DGKB: variants seen among roughly 807,000 people sequenced by gnomAD.
DGKB encodes the protein diacylglycerol kinase beta, also known as 90 kDa diacylglycerol kinase.
In DGKB, 67 loss-of-function variants were observed where a neutral mutation model predicts 114.3. The observed-to-expected ratio is 0.59, with a 90% CI of 0.48 to 0.72. The LOEUF (loss-of-function observed/expected upper bound fraction) is 0.72. Among genes scored for constraint, DGKB ranks in the 30% least tolerant of loss-of-function variants. DGKB has a pLI of 0.00. For missense variants in DGKB, 907 were observed against 975.2 expected (o/e 0.93, Z 0.93); for synonymous variants, 398 against 323.1 (o/e 1.23, Z -2.49).
chr7:14,228,577 A>G (rs1791205542), intron 23 of DGKB, among the ~76,000 whole-genome samples: 1 of 151,910 alleles, frequency 6.6e-6, no homozygotes, highest in East Asian at 1.9e-4. Context: ...ACAGCGCTAC[A>G]CTGGCTGCTT....
chr7:14,337,610 C>A (rs1810918956), intron 23 of DGKB, among the ~76,000 whole-genome samples: 1 of 152,024 alleles, frequency 6.6e-6, no homozygotes, highest in Admixed American at 6.6e-5. Context: ...TAAAGCCCAC[C>A]AACCATCTTC....
At chr7:14,483,214 A>T (rs982110623) in intron 20 of DGKB, among the ~76,000 whole-genome samples, 6 of 152,180 alleles carry the variant, frequency 3.9e-5, no homozygotes, top group Non-Finnish European at 8.8e-5. Context: ...TATCGATTGG[A>T]ACCAGTGACC....
intron 1 of DGKB, among the ~76,000 whole-genome samples, chr7:14,960,361 C>T (rs1437425433): frequency 6.6e-6 from 1 of 151,664 alleles, no homozygotes; most frequent in East Asian, 1.9e-4. Flanking sequence ...GAAGTTTTCA[C>T]CTAAAAAGTT....
intron 4 of DGKB, among the ~76,000 whole-genome samples, chr7:14,740,080 G>A (rs1832353596): frequency 6.6e-6 from 1 of 152,242 alleles, no homozygotes; most frequent in Non-Finnish European, 1.5e-5. Context: ...GAGGCCCCGT[G>A]CAGACAGCTG....
chr7:14,552,460 T>A (rs1379468515), intron 20 of DGKB, among the ~76,000 whole-genome samples: 1 of 152,282 alleles, frequency 6.6e-6, no homozygotes, highest in African/African-American at 2.4e-5. Context: ...AAGTGACCCA[T>A]AAAGAGTATA....
rs917598592 is a variant in DGKB, at chr7:14,371,637, G to A, written c.1836-26246C>T. Among the ~76,000 whole-genome samples the A allele has an allele frequency of 4.6e-5, 7 of 151,926 alleles. No homozygotes were observed. In the East Asian group the frequency reaches 5.8e-4, roughly 13 times the overall value. ...GTTGTCTATTTACTCCCATCCTGTAGGTTGATAGTTTCTTTTGCTAGGCAG... is the reference window on the plus strand; with the variant it reads ...GTTGTCTATTTACTCCCATCCTGTAAGTTGATAGTTTCTTTTGCTAGGCAG... On this transcript the variant is annotated intron_variant, in intron 21 of 25. Transcript: ENST00000402815.
chr7:14,439,674 G>A (rs565195964), intron 21 of DGKB, among the ~76,000 whole-genome samples: 8 of 151,552 alleles, frequency 5.3e-5, no homozygotes, highest in African/African-American at 1.9e-4. Context: ...GACCAGCCTT[G>A]CCAACATGAT....
At chr7:14,922,138 G>GA (rs11394044) in intron 1 of DGKB, among the ~76,000 whole-genome samples, 40,387 of 151,526 alleles carry the variant, frequency 0.27, 5,988 homozygotes, top group Non-Finnish European at 0.34. Flanking sequence ...TATTGATGTA[G>GA]AAAAAAAATG....
At chr7:14,542,059 A>G (rs1473961778) in intron 20 of DGKB, among the ~76,000 whole-genome samples, 7 of 152,118 alleles carry the variant, frequency 4.6e-5, no homozygotes, top group Admixed American at 4.6e-4. Context: ...CAGTCAGAGT[A>G]CTCTTCTTAA....
intron 23 of DGKB, among the ~76,000 whole-genome samples, chr7:14,240,093 C>T (rs191546699): frequency 6.6e-6 from 1 of 152,038 alleles, no homozygotes; most frequent in Non-Finnish European, 1.5e-5. Flanking sequence ...CATAGAGGCA[C>T]ATATATGTTC....
chr7:14,523,417 T>C (rs1432193883), intron 20 of DGKB, among the ~76,000 whole-genome samples: 1 of 152,126 alleles, frequency 6.6e-6, no homozygotes, highest in African/African-American at 2.4e-5. Flanking sequence ...GCAGCCTTCT[T>C]AACTGGCTGA....
At chr7:14,730,610 T>A (rs144028245) in intron 5 of DGKB, among the ~76,000 whole-genome samples, 87 of 152,310 alleles carry the variant, frequency 5.7e-4, no homozygotes, top group African/African-American at 1.8e-3. Flanking sequence ...CGAATAGGGC[T>A]GTAGGCAGAT....
At chr7:14,759,711 T>C (rs1477220315) in intron 2 of DGKB, among the ~76,000 whole-genome samples, 1 of 152,196 alleles carries the variant, frequency 6.6e-6, no homozygotes, top group East Asian at 1.9e-4. Context: ...AATTCTGCTA[T>C]GAACATTCAA....
At chr7:14,903,483 C>T (rs550603949), upstream of DGKB, 3 of 152,312 alleles carry the variant, frequency 2.0e-5, no homozygotes, top group African/African-American at 7.2e-5. Flanking sequence ...ATTACTACCA[C>T]TCACTATACA....
intron 3 of DGKB, among the ~76,000 whole-genome samples, chr7:14,754,305 G>C (rs1224495885): frequency 1.3e-5 from 2 of 152,046 alleles, no homozygotes; most frequent in East Asian, 3.9e-4. Context: ...TAAGCAAACT[G>C]TTCTGACATT....
intron 23 of DGKB, among the ~76,000 whole-genome samples, chr7:14,290,383 TGA>T (rs943888027): frequency 1.3e-5 from 2 of 152,028 alleles, no homozygotes; most frequent in African/African-American, 2.4e-5. Context: ...CTATAAATTA[TGA>T]GAGAGAGAGA....
intron 23 of DGKB, among the ~76,000 whole-genome samples, chr7:14,316,113 C>A (rs1421748317): frequency 1.3e-5 from 2 of 151,260 alleles, no homozygotes; most frequent in Non-Finnish European, 3.0e-5. Flanking sequence ...ATACCAGAAT[C>A]TCTGGGATGC....
At chr7:14,847,982 G>A (rs1445211468) in intron 1 of DGKB, among the ~76,000 whole-genome samples, 1 of 152,182 alleles carries the variant, frequency 6.6e-6, no homozygotes. Flanking sequence ...CTACATAATT[G>A]AGATTATTAG....
chr7:14,972,471 A>T (rs932434085), intron 1 of DGKB, among the ~76,000 whole-genome samples: 2 of 152,156 alleles, frequency 1.3e-5, no homozygotes, highest in East Asian at 3.9e-4. Context: ...AGAAAAAAAT[A>T]ACTTGCTATC....
Sources: allele counts gnomAD v4.1 joint callset (sites outside exome capture counted in the v4.1 genomes callset), GRCh38; gene constraint gnomAD v4.1.1; transcripts MANE v1.5; gene names NCBI Gene and HGNC (gene_info 2026-07-23, HGNC 2026-07-21).